The following PPP6R2 variants were observed in gnomAD, a reference collection of about 807,000 sequenced individuals.
PPP6R2 encodes the protein protein phosphatase 6 regulatory subunit 2, also known as serine/threonine-protein phosphatase 6 regulatory subunit 2.
A neutral mutation model predicts 100.2 loss-of-function variants in PPP6R2; 62 were observed. The observed-to-expected ratio is 0.62, with a 90% CI of 0.50 to 0.76. The LOEUF is 0.76. Ranked by LOEUF, PPP6R2 falls within the 30% of genes least tolerant of loss-of-function variation. The pLI, the probability that PPP6R2 is intolerant of heterozygous loss-of-function variation, is 0.00. For missense variants in PPP6R2, 1,142 were observed against 1,276.3 expected, an observed-to-expected ratio of 0.89 and a Z score of 1.60; for synonymous variants, 525 against 514.7, an observed-to-expected ratio of 1.02 and a Z score of -0.27.
chr22:50,363,331 G>A (rs2048149550), intron 1 of PPP6R2, among the ~76,000 whole-genome samples: 2 of 152,198 alleles, frequency 1.3e-5, no homozygotes, highest in Admixed American at 6.6e-5. Flanking sequence ...GATGTGGCAG[G>A]AGAATCAGCA....
chr22:50,356,036 C>T (rs576212612), intron 1 of PPP6R2, among the ~76,000 whole-genome samples: 2 of 150,708 alleles, frequency 1.3e-5, no homozygotes, highest in African/African-American at 4.9e-5. Flanking sequence ...GATCTCGGCT[C>T]ACTGCAAGCT....
At chr22:50,339,798 G>T (rs577272763), upstream of PPP6R2, among the ~76,000 whole-genome samples, 44,637 of 100,028 alleles carry the variant, frequency 0.45, 10,456 homozygotes, top group African/African-American at 0.67. Context: ...GGTGTGTGTG[G>T]GGTATGTGTG....
At chr22:50,331,948 A>G in the PPP6R2 span, among the ~76,000 whole-genome samples, 1 of 151,464 alleles carries the variant, frequency 6.6e-6, no homozygotes, top group Non-Finnish European at 1.5e-5. Flanking sequence ...TTTATTTTGG[A>G]GAGACAGGGT....
At chr22:50,399,825 C>T (rs2057730065) in intron 3 of PPP6R2, among the ~76,000 whole-genome samples, 1 of 152,230 alleles carries the variant, frequency 6.6e-6, no homozygotes, top group African/African-American at 2.4e-5. Flanking sequence ...AGTCAGAGCA[C>T]TGCCTGCCCA....
At chr22:50,339,840 GTGTGGT>G (rs2042350958), upstream of PPP6R2, among the ~76,000 whole-genome samples, 4 of 129,750 alleles carry the variant, frequency 3.1e-5, no homozygotes, top group South Asian at 2.8e-4. Context: ...TGTGTGTGGT[GTGTGGT>G]GTGTGTGTGG....
At chr22:50,408,424 G>A (rs2059284185) in intron 4 of PPP6R2, among the ~76,000 whole-genome samples, 2 of 152,154 alleles carry the variant, frequency 1.3e-5, no homozygotes, top group South Asian at 4.1e-4. Context: ...CCCTTGCGCT[G>A]TAAATCTGAG....
In PPP6R2 at chr22:50,386,035, G is replaced by A. The variant is rs577315349; in HGVS notation, c.-16-7858G>A. On this transcript the variant is annotated intron_variant, in intron 2 of 23. Coordinates refer to ENST00000612753, the MANE Select transcript of PPP6R2 (RefSeq NM_001242898.2). ...AGACGGGGTTTCACTGTGTTAGCCA[G>A]GATGGTCTCGATCTCCTGACCTCAG... Among the ~76,000 whole-genome samples the A allele has an allele frequency of 1.7e-3, 260 of 151,020 alleles. 1 individual carries two copies. Among genetic ancestry groups the A allele is most frequent in the African/African-American group, 6.0e-3 (246 of 41,048 alleles).
intron 2 of PPP6R2, among the ~76,000 whole-genome samples, chr22:50,374,381 A>C (rs1405171431): frequency 6.6e-6 from 1 of 152,174 alleles, no homozygotes; most frequent in Non-Finnish European, 1.5e-5. Flanking sequence ...TAAACAGATT[A>C]AACACAGATG....
At chr22:50,410,445 T>C (rs2059577362) in intron 4 of PPP6R2, among the ~76,000 whole-genome samples, 1 of 151,506 alleles carries the variant, frequency 6.6e-6, no homozygotes, top group African/African-American at 2.4e-5. Context: ...GTATTTGATA[T>C]CTTTGTATTA....
chr22:50,352,236 C>T (rs1267543739), intron 1 of PPP6R2, among the ~76,000 whole-genome samples: 3 of 152,190 alleles, frequency 2.0e-5, no homozygotes, highest in Non-Finnish European at 2.9e-5. Flanking sequence ...CCATCGCGCC[C>T]GGCCGGCATT....
chr22:50,412,630 CTTTTTTTTTTTTTTTTT>C (rs398037412), intron 4 of PPP6R2, among the ~76,000 whole-genome samples: 2 of 79,866 alleles, frequency 2.5e-5, no homozygotes, highest in South Asian at 9.2e-4. Flanking sequence ...TAAATAAGTC[CTTTTTTTTTTTTTTTTT>C]TTTTTTTTTT....
At chr22:50,437,989 C>T (rs530410394) in intron 17 of PPP6R2, 89 bp downstream of exon 17, 34 of 1,536,308 alleles carry the variant, frequency 2.2e-5, no homozygotes, top group Admixed American at 7.4e-5. Context: ...TGGGCCTGTG[C>T]GGTGGGGCTG....
intron 1 of PPP6R2, among the ~76,000 whole-genome samples, chr22:50,356,529 T>G (rs2148228326): frequency 6.6e-6 from 1 of 152,146 alleles, no homozygotes; most frequent in Non-Finnish European, 1.5e-5. Flanking sequence ...CTGGTGAAAA[T>G]TCTTACATTA....
At chr22:50,421,786 T>G (rs1343258295) in intron 8 of PPP6R2, among the ~76,000 whole-genome samples, 1 of 152,124 alleles carries the variant, frequency 6.6e-6, no homozygotes, top group Non-Finnish European at 1.5e-5. Context: ...GAGAATCGCT[T>G]GAACCCAGGA....
intron 1 of PPP6R2, among the ~76,000 whole-genome samples, chr22:50,371,302 G>T (rs897100729): frequency 9.9e-5 from 15 of 152,166 alleles, no homozygotes; most frequent in African/African-American, 2.9e-4. Flanking sequence ...GTGTGAACTG[G>T]GTGTCTGCAC....
chr22:50,335,322 C>A, the PPP6R2 span, among the ~76,000 whole-genome samples: 1 of 150,556 alleles, frequency 6.6e-6, no homozygotes, highest in East Asian at 2.0e-4. Flanking sequence ...CTTGGCCTCC[C>A]AAAGTGCTGG....
chr22:50,337,957 GGT>G, the PPP6R2 span, among the ~76,000 whole-genome samples: 8 of 137,812 alleles, frequency 5.8e-5, no homozygotes, highest in African/African-American at 1.1e-4. Flanking sequence ...TGATGTGTGT[GGT>G]GTGTGTGGGT....
At chr22:50,415,671 C>T (rs1352655501) in intron 5 of PPP6R2, among the ~76,000 whole-genome samples, 1 of 152,252 alleles carries the variant, frequency 6.6e-6, no homozygotes, top group African/African-American at 2.4e-5. Flanking sequence ...GAGCTTTACC[C>T]CACAGTGTTC....
rs142637497 is a variant in PPP6R2 at position 50,406,860 on chromosome 22, A to G, written c.399A>G (p.Ala133=). The part of the protein sequence containing the change: ...FFSKTIGNLI[A]RKTEQVITFL... ...GCAAGACCATTGGCAATCTCATTGC[A>G]AGAAAAACCGAACAGGTAAATCACG... Residue 133 remains alanine (A), a synonymous_variant, in exon 4 of 24, where the codon GCA becomes GCG. Transcript: ENST00000612753. The G allele has an allele frequency of 6.8e-6, 11 of 1,613,856 alleles. No homozygotes were observed. Among genetic ancestry groups the G allele is most frequent in the Non-Finnish European group, 9.3e-6 (11 of 1,179,858 alleles).
Sources: allele counts gnomAD v4.1 joint callset (sites outside exome capture counted in the v4.1 genomes callset), GRCh38; gene constraint gnomAD v4.1.1; transcripts MANE v1.5; gene names NCBI Gene and HGNC (gene_info 2026-07-23, HGNC 2026-07-21).